LRRTM4: variants seen among roughly 807,000 people sequenced by gnomAD.
LRRTM4 encodes leucine rich repeat transmembrane neuronal 4, also known as leucine-rich repeat transmembrane neuronal protein 4.
A neutral mutation model predicts 47.6 loss-of-function variants in LRRTM4; 25 were observed. That is an observed-to-expected ratio of 0.53 (90% confidence interval 0.38 to 0.73). LRRTM4 has a LOEUF of 0.73. Ranked by LOEUF, LRRTM4 falls within the 30% of genes least tolerant of loss-of-function variation. LRRTM4 has a pLI of 0.00. For missense variants in LRRTM4, 638 were observed against 713.4 expected, an observed-to-expected ratio of 0.89 and a Z score of 1.20; for synonymous variants, 311 against 269.5, an observed-to-expected ratio of 1.15 and a Z score of -1.51.
intron 3 of LRRTM4, among the ~76,000 whole-genome samples, chr2:76,900,875 T>C (rs913394781): frequency 6.6e-5 from 10 of 152,156 alleles, no homozygotes; most frequent in Non-Finnish European, 7.4e-5. Flanking sequence ...ACTCATTGGA[T>C]TGAATAATGT....
At chr2:76,831,748 C>T (rs2103896789) in intron 3 of LRRTM4, among the ~76,000 whole-genome samples, 1 of 152,176 alleles carries the variant, frequency 6.6e-6, no homozygotes, top group Non-Finnish European at 1.5e-5. Context: ...AGATCAACCC[C>T]TCTTATGGGA....
intron 3 of LRRTM4, among the ~76,000 whole-genome samples, chr2:77,438,593 A>G (rs1675706778): frequency 6.6e-6 from 1 of 151,906 alleles, no homozygotes; most frequent in Admixed American, 6.6e-5. Flanking sequence ...TTTTTAGTAG[A>G]GACGGGATTT....
At chr2:76,959,887 A>G (rs996511820) in intron 3 of LRRTM4, among the ~76,000 whole-genome samples, 3 of 151,646 alleles carry the variant, frequency 2.0e-5, no homozygotes, top group African/African-American at 7.3e-5. Flanking sequence ...TGGTTTTATT[A>G]TTATTTTAAA....
At chr2:77,077,228 A>G (rs1257431389) in intron 3 of LRRTM4, among the ~76,000 whole-genome samples, 1 of 152,206 alleles carries the variant, frequency 6.6e-6, no homozygotes, top group Admixed American at 6.5e-5. Context: ...CACTTAAAAC[A>G]GAAGTATCAG....
intron 3 of LRRTM4, among the ~76,000 whole-genome samples, chr2:76,996,975 A>G (rs1470508): frequency 0.5 from 76,503 of 151,862 alleles, 19,980 homozygotes; most frequent in African/African-American, 0.63. Flanking sequence ...CTATGCTGAG[A>G]AAGAAATGCT....
At chr2:76,766,529 C>T (rs1673462963) in intron 3 of LRRTM4, among the ~76,000 whole-genome samples, 1 of 152,166 alleles carries the variant, frequency 6.6e-6, no homozygotes, top group Non-Finnish European at 1.5e-5. Flanking sequence ...CCTTCTCTGC[C>T]CTGCATTGTG....
rs1459831412 is a variant in LRRTM4 at position 77,521,705 on chromosome 2, C to T, written c.-34G>A. On this transcript the variant is annotated 5_prime_UTR_variant, in exon 2 of 4. Transcript: ENST00000409884. Reference sequence around the variant, plus strand: ...ATCCAAAAACGTTTCCCCCCTCTCTCAGCTTTCTTCTTATTTGGTCTCTTG... The same window carrying T: ...ATCCAAAAACGTTTCCCCCCTCTCTTAGCTTTCTTCTTATTTGGTCTCTTG... 1.2e-6 allele frequency: 2 copies of T among 1,611,868 alleles called. No homozygotes were observed. The highest frequency in any genetic ancestry group is 1.7e-6 in the Non-Finnish European group (2 of 1,178,978).
intron 3 of LRRTM4, among the ~76,000 whole-genome samples, chr2:77,220,340 A>T (rs1174930415): frequency 6.6e-6 from 1 of 152,224 alleles, no homozygotes. Context: ...CCAGCAACGG[A>T]ACAAAGCTGG....
At chr2:76,959,321 C>A (rs907335216) in intron 3 of LRRTM4, among the ~76,000 whole-genome samples, 2 of 151,214 alleles carry the variant, frequency 1.3e-5, no homozygotes, top group African/African-American at 4.8e-5. Context: ...CTAGCATGCC[C>A]TTCCTAGAAA....
intron 3 of LRRTM4, among the ~76,000 whole-genome samples, chr2:77,127,101 G>A (rs1671669061): frequency 6.6e-6 from 1 of 151,902 alleles, no homozygotes; most frequent in Non-Finnish European, 1.5e-5. Context: ...ATATGTCATA[G>A]TTTCTTGTTT....
chr2:76,798,057 C>T (rs909178081), intron 3 of LRRTM4, among the ~76,000 whole-genome samples: 1 of 150,282 alleles, frequency 6.7e-6, no homozygotes, highest in Non-Finnish European at 1.5e-5. Context: ...AGAAAGTCAA[C>T]AAGGATACCC....
chr2:76,924,466 A>G (rs1383371839), intron 3 of LRRTM4, among the ~76,000 whole-genome samples: 1 of 152,094 alleles, frequency 6.6e-6, no homozygotes, highest in African/African-American at 2.4e-5. Context: ...CATTTATCCC[A>G]ATTCCACAGT....
At chr2:77,386,610 T>C (rs906884398) in intron 3 of LRRTM4, among the ~76,000 whole-genome samples, 2 of 152,180 alleles carry the variant, frequency 1.3e-5, no homozygotes, top group African/African-American at 4.8e-5. Flanking sequence ...GATTTGGGTA[T>C]ATACCCAGTA....
chr2:77,083,384 A>C (rs1190528967), intron 3 of LRRTM4, among the ~76,000 whole-genome samples: 1 of 152,172 alleles, frequency 6.6e-6, no homozygotes, highest in African/African-American at 2.4e-5. Flanking sequence ...TTGCCAACAT[A>C]GGCACCAAAA....
intron 3 of LRRTM4, among the ~76,000 whole-genome samples, chr2:76,956,568 G>A (rs60022618): frequency 0.053 from 7,963 of 150,730 alleles, 486 homozygotes; most frequent in East Asian, 0.14. Flanking sequence ...AAATAAGAAT[G>A]ATCTAAACCT....
At chr2:77,505,567 T>C (rs1488490992) in intron 3 of LRRTM4, among the ~76,000 whole-genome samples, 1 of 151,464 alleles carries the variant, frequency 6.6e-6, no homozygotes, top group Admixed American at 6.6e-5. Context: ...TTCTAGAAGA[T>C]TTCCTCTTAA....
At chr2:77,106,443 C>T (rs1244016932) in intron 3 of LRRTM4, among the ~76,000 whole-genome samples, 1 of 152,080 alleles carries the variant, frequency 6.6e-6, no homozygotes, top group African/African-American at 2.4e-5. Context: ...TTTACCTTCT[C>T]TGCTGTAAGC....
intron 3 of LRRTM4, among the ~76,000 whole-genome samples, chr2:76,889,014 GGC>G (rs1673168322): frequency 6.6e-6 from 1 of 151,718 alleles, no homozygotes; most frequent in African/African-American, 2.4e-5. Flanking sequence ...AACATCTCAT[GGC>G]AATATTTTCA....
At chr2:77,154,716 T>C (rs1416293678) in intron 3 of LRRTM4, among the ~76,000 whole-genome samples, 2 of 151,996 alleles carry the variant, frequency 1.3e-5, no homozygotes, top group Non-Finnish European at 2.9e-5. Context: ...CAAAGGAAAA[T>C]ACGAAATATG....
Sources: gnomAD v4.1 joint callset for allele counts (sites outside exome capture counted in the v4.1 genomes callset) on GRCh38, gnomAD v4.1.1 for gene constraint, MANE v1.5 for transcripts, NCBI Gene and HGNC (gene_info 2026-07-23, HGNC 2026-07-21) for gene names.